APLP1: variants seen among roughly 807,000 people sequenced by gnomAD.
APLP1 encodes amyloid beta (A4) precursor-like protein 1.
Under a neutral mutation model 84.5 loss-of-function variants are expected in APLP1, and 46 were observed. The observed-to-expected ratio is 0.54, with a 90% CI of 0.43 to 0.70. APLP1 has a LOEUF of 0.70. Ranked by LOEUF, APLP1 falls within the 30% of genes least tolerant of loss-of-function variation. The pLI, the probability that APLP1 is intolerant of heterozygous loss-of-function variation, is 0.00. For missense variants in APLP1, 826 were observed against 900.2 expected (o/e 0.92, Z 1.05); for synonymous variants, 376 against 364.0 (o/e 1.03, Z -0.38).
At chr19:35,875,880 A>C (rs1974271664) in intron 10 of APLP1, among the ~76,000 whole-genome samples, 1 of 151,454 alleles carries the variant, frequency 6.6e-6, no homozygotes, top group Non-Finnish European at 1.5e-5. Context: ...CGGCCTCCCA[A>C]AGTGCTGGGA....
At chr19:35,878,542 T>G (rs751036369) in intron 13 of APLP1, 42 bp from the exon 14 acceptor site, 52 of 1,605,724 alleles carry the variant, frequency 3.2e-5, no homozygotes, top group Non-Finnish European at 4.3e-5. Context: ...TGAGACTCTG[T>G]CTAAAGAAAA....
At chr19:35,869,609 A>G in intron 1 of APLP1, 58 bp from the exon 2 acceptor site, 2 of 1,599,278 alleles carry the variant, frequency 1.3e-6, no homozygotes, top group Non-Finnish European at 1.7e-6. Context: ...GCAAAGAACC[A>G]GGGGACCCTC....
Position 35,874,927 on chromosome 19 carries a change from A to C in APLP1, c.1344+58A>C. The stretch of plus-strand genomic sequence containing the variant: ...GCTATTCCTCAGACGCCCGCGCCTC[A>C]GGCTCTTCTCTTGTCCCTTAGACCC... On this transcript the variant is annotated intron_variant, in intron 10 of 16. Transcript: ENST00000221891. The surrounding 1 kb of genome is among the most constrained non-coding windows in gnomAD (Gnocchi z 6.4). 6.3e-7 allele frequency: 1 copy of C among 1,579,438 alleles called. No homozygotes were observed. The highest frequency in any genetic ancestry group is 1.1e-5 in the South Asian group (1 of 88,042).
Position 35,871,332 on chromosome 19 carries a change from C to G in APLP1, c.520C>G (p.His174Asp). The G allele has an allele frequency of 6.2e-7, 1 of 1,611,276 alleles. No individual in the cohort carries two copies. Among genetic ancestry groups the G allele is most frequent in the Non-Finnish European group, 8.5e-7 (1 of 1,178,826 alleles). Reference sequence around the variant, plus strand: ...CCAATGTGAGAGTTCAACCCGGAGGCATCAGGAGGCACAGGAGGTCAGGAC... The same window carrying G: ...CCAATGTGAGAGTTCAACCCGGAGGGATCAGGAGGCACAGGAGGTCAGGAC... The part of the protein sequence containing the change: ...MDQCESSTRR[H>D]QEAQEACSSQ... The change falls in exon 4 of 17, where the codon CAT (histidine) becomes GAT (aspartate). Residue 174 changes from histidine (H) to aspartate (D), a missense_variant. Physicochemically the swap from His to Asp is moderately conservative, Grantham distance 81. Coordinates refer to ENST00000221891, the MANE Select transcript of APLP1 (RefSeq NM_001024807.3).
At position 35,878,417 on chromosome 19, in the gene APLP1, A is replaced by C. The variant is rs1252164182; in HGVS notation, c.1580-167A>C. 8 of 687,848 alleles carry C rather than the reference A, an allele frequency of 1.2e-5. No individual in the cohort carries two copies. The East Asian group carries it at 2.2e-4, about 19-fold the overall frequency. 42.6% of individuals were successfully genotyped at this position (687,848 alleles called of 1,614,324 possible). ...AAAAATTACCTGGGTGTGGTGGGGC[A>C]TGTCTGTAGTCCCAGCTGCTCAGGA... On this transcript the variant is annotated intron_variant, in intron 13 of 16. Coordinates refer to ENST00000221891, the MANE Select transcript of APLP1 (RefSeq NM_001024807.3).
At position 35,870,234 on chromosome 19, in the gene APLP1, G is replaced by T. The variant is rs957610155; in HGVS notation, c.291+424G>T. ...TTGGAGAGGCGGAATAGAGGAAAAG[G>T]CGGGGCCTAAAGGAGGGTGAGACCT... On this transcript the variant is annotated intron_variant, in intron 2 of 16. Coordinates refer to ENST00000221891, the MANE Select transcript of APLP1 (RefSeq NM_001024807.3). 1.0e-4 allele frequency: 22 copies of T among 219,576 alleles called. 2 individuals carry two copies. In the South Asian group the frequency reaches 1.3e-3, roughly 13 times the overall value. 13.6% of individuals were successfully genotyped at this position (219,576 alleles called of 1,614,324 possible).
Position 35,879,627 on chromosome 19 carries a change from T to G in APLP1, c.*186T>G. Reference sequence around the variant, plus strand: ...AATTCCATCCCTAAGAATTCCCAGATAGTCCCAGCAGCCTCCCCACGTGGC... The same window carrying G: ...AATTCCATCCCTAAGAATTCCCAGAGAGTCCCAGCAGCCTCCCCACGTGGC... On this transcript the variant is annotated 3_prime_UTR_variant, in exon 17 of 17. Coordinates refer to ENST00000221891, the MANE Select transcript of APLP1 (RefSeq NM_001024807.3). 1.7e-6 allele frequency: 1 copy of G among 594,716 alleles called. No homozygotes were observed. The highest frequency in any genetic ancestry group is 2.9e-5 in the East Asian group (1 of 34,454). The allele number at this position is 594,716 out of a possible 1,614,324, so 36.8% of individuals were successfully genotyped here.
At chr19:35,871,490 C>A in intron 4 of APLP1, 122 bp from the exon 5 acceptor site, 1 of 1,419,274 alleles carries the variant, frequency 7.0e-7, no homozygotes, top group Non-Finnish European at 9.8e-7. Flanking sequence ...TCCCCCAACC[C>A]CTTCCTCTAG....
intron 13 of APLP1, 139 bp from the exon 14 acceptor site, chr19:35,878,445 C>A: frequency 1.2e-6 from 1 of 827,858 alleles, no homozygotes; most frequent in South Asian, 1.5e-5. Flanking sequence ...GCTCAGGAGG[C>A]TGACGTAGAA....
rs1473647764 is a variant in APLP1, at chr19:35,879,075, C to A, written c.1715C>A (p.Ala572Glu). Residue 572 changes from alanine to glutamate, a missense_variant and splice_region_variant, in exon 16 of 17, where the codon GCA becomes GAA. Ala to Glu is a moderately radical substitution (Grantham distance 107). Coordinates refer to ENST00000221891, the MANE Select transcript of APLP1 (RefSeq NM_001024807.3). Reference protein sequence around the residue: ...HSSEIQRDELAPAGTGVSREA... With the variant: ...HSSEIQRDELEPAGTGVSREA... ...CTGCCCCATCTCCTCTCCCTGCAGG[C>A]ACCAGCTGGGACAGGGGTGTCCCGT... 6.2e-7 allele frequency: 1 copy of A among 1,612,306 alleles called. No individual in the cohort carries two copies. Among genetic ancestry groups the A allele is most frequent in the Non-Finnish European group, 8.5e-7 (1 of 1,179,958 alleles).
rs767902011 is a variant in APLP1 at position 35,874,688 on chromosome 19, C to T, written c.1215+26C>T. 1 of 1,613,070 alleles carries T rather than the reference C, an allele frequency of 6.2e-7. No homozygotes were observed. Among genetic ancestry groups the T allele is most frequent in the Non-Finnish European group, 8.5e-7 (1 of 1,179,490 alleles). On this transcript the variant is annotated intron_variant, in intron 9 of 16. Transcript: ENST00000221891. This position sits in a 1 kb window ranked among gnomAD's most constrained non-coding sequence, Gnocchi z 6.4. ...GTGCGGGGACCGTGGGGGCAGAGAG[C>T]AGAGGGTGAGAAGGGTCAGGGCGGG...
rs758008267 is a variant in APLP1, at chr19:35,874,162, G to A, written c.1057-342G>A. Among the ~76,000 whole-genome samples the A allele has an allele frequency of 5.3e-5, 8 of 151,984 alleles. No homozygotes were observed. Among genetic ancestry groups the A allele is most frequent in the South Asian group, 2.1e-4 (1 of 4,830 alleles). On this transcript the variant is annotated intron_variant, in intron 8 of 16. Transcript: ENST00000221891. This position sits in a 1 kb window ranked among gnomAD's most constrained non-coding sequence, Gnocchi z 6.4. ...TCCAGCTCTTTGTCCCACCCCTATC[G>A]TGTCATTTATACACAGCCTGTCTCC...
chr19:35,877,964 G>GA, intron 12 of APLP1, 118 bp from the exon 13 acceptor site: 1 of 1,324,190 alleles, frequency 7.6e-7, no homozygotes, highest in Non-Finnish European at 1.1e-6. Flanking sequence ...AGGTTGCAGG[G>GA]GCCTCTGTAG....
In APLP1 at chr19:35,868,777, G is replaced by C. The variant is rs1974053580; in HGVS notation, c.141G>C (p.Ala47=). ...IGSLAGGSPG[A]AEAPGSAQVA... is the part of the protein sequence containing the mutation. The stretch of plus-strand genomic sequence containing the variant: ...GCCTGGCCGGTGGGAGCCCCGGCGC[G>C]GCCGAGGTGAGGCCGGGCCGGGTCC... The change falls in exon 1 of 17, where the codon GCG becomes GCC. Residue 47 remains alanine (A), a synonymous_variant. Transcript: ENST00000221891. This position sits in a 1 kb window ranked among gnomAD's most constrained non-coding sequence, Gnocchi z 5.2. The C allele has an allele frequency of 7.6e-7, 1 of 1,316,752 alleles. No homozygotes were observed. Among genetic ancestry groups the C allele is most frequent in the African/African-American group, 1.5e-5 (1 of 64,638 alleles). 81.6% of individuals were successfully genotyped at this position (1,316,752 alleles called of 1,614,324 possible).
In APLP1 at chr19:35,879,446, G is replaced by C; in HGVS notation, c.*5G>C. ...TTCCTGGAGGAACGACCCTGACCCGGCCCCCTTCACCCCTTCAGCCGAGCC... is the reference window on the plus strand; with the variant it reads ...TTCCTGGAGGAACGACCCTGACCCGCCCCCCTTCACCCCTTCAGCCGAGCC... On this transcript the variant is annotated 3_prime_UTR_variant, in exon 17 of 17. Transcript: ENST00000221891. The C allele has an allele frequency of 2.5e-6, 4 of 1,612,410 alleles. No homozygotes were observed. Among genetic ancestry groups the C allele is most frequent in the Admixed American group, 1.7e-5 (1 of 59,958 alleles).
rs1421348490 is a variant in APLP1 at position 35,872,537 on chromosome 19, G to A, written c.905G>A (p.Gly302Glu). ...DGVDIYFGMP[G>E]EISEHEGFLR... ...GTGGATATTTACTTTGGCATGCCTG[G>A]GGAAATCAGTGAGCACGAGGGGTTC... Residue 302 changes from glycine (G) to glutamate (E), a missense_variant, in exon 7 of 17, where the codon GGG (glycine) becomes GAG (glutamate). By Grantham distance (98) the Gly-to-Glu change is moderately conservative. Around this residue, in one of 3 missense-constraint regions of APLP1, gnomAD observed 433 missense variants for 496.5 expected, o/e 0.87. Coordinates refer to ENST00000221891, the MANE Select transcript of APLP1 (RefSeq NM_001024807.3). 1.3e-5 allele frequency: 21 copies of A among 1,613,776 alleles called. No individual in the cohort carries two copies. In the East Asian group the frequency reaches 4.7e-4, roughly 36 times the overall value.
At chr19:35,872,145 A>G in intron 6 of APLP1, 109 bp downstream of exon 6, 1 of 1,313,450 alleles carries the variant, frequency 7.6e-7, no homozygotes, top group Non-Finnish European at 1.0e-6. Context: ...GAAAGGCCCA[A>G]CTGAGGAGAA....
rs755282026 is a variant in APLP1 at position 35,869,745 on chromosome 19, C to A, written c.226C>A (p.Pro76Thr). 6.2e-7 allele frequency: 1 copy of A among 1,610,138 alleles called. No homozygotes were observed. Among genetic ancestry groups the A allele is most frequent in the Non-Finnish European group, 8.5e-7 (1 of 1,179,076 alleles). The change falls in exon 2 of 17, where the codon CCA becomes ACA. Residue 76 changes from proline (P) to threonine (T), a missense_variant. By Grantham distance (38) the Pro-to-Thr change is conservative. Around this residue, in one of 3 missense-constraint regions of APLP1, gnomAD observed 383 missense variants for 378.3 expected, o/e 1.01. Transcript: ENST00000221891. ...HRDLRTGRWE[P>T]DPQRSRRCLR... ...GGACCTGCGCACCGGCCGCTGGGAA[C>A]CAGACCCACAGCGCTCTCGACGCTG...
At position 35,874,737 on chromosome 19, in the gene APLP1, A is replaced by G; in HGVS notation, c.1216-4A>G. On this transcript the variant is annotated splice_region_variant and splice_polypyrimidine_tract_variant and intron_variant, in intron 9 of 16. Coordinates refer to ENST00000221891, the MANE Select transcript of APLP1 (RefSeq NM_001024807.3). This position sits in a 1 kb window ranked among gnomAD's most constrained non-coding sequence, Gnocchi z 6.4. ...GGCTTGGGCATCCTGTGTCCCTTCC[A>G]CAGGCGGAGCGTGTCCTGTTGGCCC... 2 of 1,612,510 alleles carry G rather than the reference A, an allele frequency of 1.2e-6. No individual in the cohort carries two copies. Among genetic ancestry groups the G allele is most frequent in the South Asian group, 1.1e-5 (1 of 91,046 alleles).
Sources: gnomAD v4.1 joint callset for allele counts (sites outside exome capture counted in the v4.1 genomes callset) on GRCh38, gnomAD v4.1.1 for gene constraint, gnomAD v4.1.1 regional missense constraint, Gnocchi (gnomAD v3.1) non-coding constraint, MANE v1.5 for transcripts, NCBI Gene and HGNC (gene_info 2026-07-23, HGNC 2026-07-21) for gene names.